PCDH9: variants seen among roughly 807,000 people sequenced by gnomAD.
The protein encoded by PCDH9 is protocadherin 9.
In PCDH9, 24 loss-of-function variants were observed where a neutral mutation model predicts 70.6. The observed-to-expected ratio is 0.34, with a 90% CI of 0.25 to 0.48. The LOEUF is 0.48. Among genes scored for constraint, PCDH9 ranks in the 20% least tolerant of loss-of-function variants. PCDH9 has a pLI of 0.99. For missense variants in PCDH9, 1,281 were observed against 1,503.6 expected (o/e 0.85, Z 2.45); for synonymous variants, 562 against 558.5 (o/e 1.01, Z -0.09).
chr13:66,608,961 C>G (rs540486938), intron 4 of PCDH9, among the ~76,000 whole-genome samples: 1 of 152,310 alleles, frequency 6.6e-6, no homozygotes, highest in South Asian at 2.1e-4. Flanking sequence ...CTCACACGGT[C>G]TCCTTTACTG....
At chr13:66,801,014 CT>C (rs34026647) in intron 3 of PCDH9, among the ~76,000 whole-genome samples, 9 of 137,958 alleles carry the variant, frequency 6.5e-5, no homozygotes, top group African/African-American at 8.0e-5. Context: ...TCTTTCTTTC[CT>C]TTTTTTTTTT....
At chr13:67,019,048 A>T (rs572446294) in intron 2 of PCDH9, among the ~76,000 whole-genome samples, 44 of 152,080 alleles carry the variant, frequency 2.9e-4, no homozygotes, top group African/African-American at 1.0e-3. Flanking sequence ...TCATGTTATT[A>T]TTTTCTCAGA....
rs74095374 is a variant in PCDH9 at position 67,163,225 on chromosome 13, T to C, written c.3036+62180A>G. Among the ~76,000 whole-genome samples the C allele has an allele frequency of 6.4e-3, 972 of 152,316 alleles. 12 individuals carry two copies. The highest frequency in any genetic ancestry group is 0.022 in the African/African-American group (922 of 41,572). ...ATAAAAATGTGTAAGTAAAGACTCT[T>C]GTTCCCAATTAAAATTGCATACATA... On this transcript the variant is annotated intron_variant, in intron 2 of 4. Transcript: ENST00000377865.
At chr13:66,727,332 T>C (rs1285623020) in intron 3 of PCDH9, among the ~76,000 whole-genome samples, 1 of 152,192 alleles carries the variant, frequency 6.6e-6, no homozygotes, top group East Asian at 1.9e-4. Context: ...ATTAAACTTA[T>C]ATTCTCTTCT....
intron 4 of PCDH9, among the ~76,000 whole-genome samples, chr13:66,334,772 T>C (rs2781778): frequency 1 from 151,973 of 152,216 alleles, 75,866 homozygotes; most frequent in Non-Finnish European, 1. Context: ...GGCACAAAAT[T>C]ATATTAGCTT....
chr13:66,608,404 C>G (rs796641191), intron 4 of PCDH9, among the ~76,000 whole-genome samples: 32 of 152,192 alleles, frequency 2.1e-4, no homozygotes, highest in African/African-American at 6.7e-4. Context: ...TATGTTCACA[C>G]ACATTTCTTC....
intron 2 of PCDH9, among the ~76,000 whole-genome samples, chr13:67,091,895 T>C (rs2086225924): frequency 6.6e-6 from 1 of 152,168 alleles, no homozygotes; most frequent in Admixed American, 6.6e-5. Flanking sequence ...AAAATGTCTT[T>C]GTTTTAAGGA....
chr13:66,624,887 G>A (rs941149646), intron 4 of PCDH9, among the ~76,000 whole-genome samples: 1 of 152,126 alleles, frequency 6.6e-6, no homozygotes, highest in Non-Finnish European at 1.5e-5. Context: ...TTCATATATT[G>A]ATTCCGAGTT....
chr13:67,173,282 A>T, intron 2 of PCDH9, among the ~76,000 whole-genome samples: 1 of 152,206 alleles, frequency 6.6e-6, no homozygotes, highest in East Asian at 1.9e-4. Context: ...AATAACTGGA[A>T]GTTGAAGAAG....
intron 3 of PCDH9, among the ~76,000 whole-genome samples, chr13:66,719,285 T>C (rs2078911031): frequency 6.6e-6 from 1 of 152,244 alleles, no homozygotes; most frequent in South Asian, 2.1e-4. Context: ...GATTAAAGAT[T>C]GCTGTGGTTT....
chr13:67,073,415 A>T (rs2085807063), intron 2 of PCDH9, among the ~76,000 whole-genome samples: 1 of 152,164 alleles, frequency 6.6e-6, no homozygotes, highest in Non-Finnish European at 1.5e-5. Flanking sequence ...CATACCTGAA[A>T]GTAATCAAAA....
chr13:67,218,633 A>C (rs186807066), intron 2 of PCDH9: 3 of 152,204 alleles, frequency 2.0e-5, no homozygotes, highest in Non-Finnish European at 4.4e-5. Flanking sequence ...ATATTACACA[A>C]ACATGATAAA....
intron 2 of PCDH9, among the ~76,000 whole-genome samples, chr13:67,150,608 C>T (rs2087633574): frequency 6.6e-6 from 1 of 152,148 alleles, no homozygotes; most frequent in Admixed American, 6.5e-5. Flanking sequence ...TCATGTGATT[C>T]TTAAACACAA....
rs995339394 is a variant in PCDH9 at position 66,605,090 on chromosome 13, A to T, written c.3340+26120T>A. Among the ~76,000 whole-genome samples the T allele has an allele frequency of 8.5e-5, 13 of 152,072 alleles. 1 individual carries two copies. Among genetic ancestry groups the T allele is most frequent in the Non-Finnish European group, 1.6e-4 (11 of 67,984 alleles). On this transcript the variant is annotated intron_variant, in intron 4 of 4. Coordinates refer to ENST00000377865, the MANE Select transcript of PCDH9 (RefSeq NM_203487.3). ...TTATTTTAATACAGTAACATTCATT[A>T]CTAGAAGGTTTATGCTATACCACAT...
intron 3 of PCDH9, among the ~76,000 whole-genome samples, chr13:66,873,250 C>T (rs1331277773): frequency 6.6e-6 from 1 of 151,874 alleles, no homozygotes; most frequent in Admixed American, 6.6e-5. Context: ...GAAATGTCAC[C>T]CTAATATCTA....
At chr13:67,133,474 A>C (rs1426769992) in intron 2 of PCDH9, among the ~76,000 whole-genome samples, 1 of 152,152 alleles carries the variant, frequency 6.6e-6, no homozygotes, top group Non-Finnish European at 1.5e-5. Flanking sequence ...TACTTTGCTT[A>C]AAAAGTTGGA....
rs74095378 is a variant in PCDH9 at position 67,165,678 on chromosome 13, A to G, written c.3036+59727T>C. On this transcript the variant is annotated intron_variant, in intron 2 of 4. Coordinates refer to ENST00000377865, the MANE Select transcript of PCDH9 (RefSeq NM_203487.3). Reference sequence around the variant, plus strand: ...TTTATATTGCTAACAGTTCTTTATGAGAATATCTGTTTTTGGAACCTAAGT... The same window carrying G: ...TTTATATTGCTAACAGTTCTTTATGGGAATATCTGTTTTTGGAACCTAAGT... Among the ~76,000 whole-genome samples, 1,075 of 152,280 alleles carry G rather than the reference A, an allele frequency of 7.1e-3. 14 individuals are homozygous for G. The highest frequency in any genetic ancestry group is 0.025 in the African/African-American group (1,021 of 41,570).
intron 3 of PCDH9, among the ~76,000 whole-genome samples, chr13:66,765,930 T>A (rs2079709090): frequency 6.6e-6 from 1 of 152,020 alleles, no homozygotes; most frequent in Non-Finnish European, 1.5e-5. Context: ...AATAGTGCAC[T>A]ATCTTTGTTA....
At chr13:66,533,567 A>T (rs749905460) in intron 4 of PCDH9, among the ~76,000 whole-genome samples, 1 of 152,158 alleles carries the variant, frequency 6.6e-6, no homozygotes, top group Non-Finnish European at 1.5e-5. Context: ...ATCTTAAGAC[A>T]TTAGTCAATT....
Sources: allele counts gnomAD v4.1 joint callset (sites outside exome capture counted in the v4.1 genomes callset), GRCh38; gene constraint gnomAD v4.1.1; transcripts MANE v1.5; gene names NCBI Gene and HGNC (gene_info 2026-07-23, HGNC 2026-07-21).